The following SUGCT variants were observed in gnomAD, a reference collection of about 807,000 sequenced individuals.
SUGCT encodes the protein succinyl-CoA:glutarate-CoA transferase, also known as succinyl-CoA:glutarate CoA-transferase.
Under a neutral mutation model 55.0 loss-of-function variants are expected in SUGCT, and 41 were observed. The ratio of observed to expected loss-of-function variants is 0.74; its 90% confidence interval spans 0.58 to 0.97. The LOEUF is 0.97. Ranked by LOEUF, SUGCT falls within the 50% of genes least tolerant of loss-of-function variation. The pLI is 0.00. For missense variants in SUGCT, 568 were observed against 547.8 expected (o/e 1.04, Z -0.37); for synonymous variants, 187 against 200.4 (o/e 0.93, Z 0.56).
chr7:40,942,744 A>AT, the SUGCT span, among the ~76,000 whole-genome samples: 1 of 148,766 alleles, frequency 6.7e-6, no homozygotes, highest in African/African-American at 2.5e-5. Context: ...TCTTGGAGAC[A>AT]TTGTTTCTTT....
intron 6 of SUGCT, among the ~76,000 whole-genome samples, chr7:40,219,528 T>C (rs566898594): frequency 4.6e-5 from 7 of 152,262 alleles, no homozygotes; most frequent in South Asian, 4.1e-4. Flanking sequence ...AGTGTTGTAA[T>C]TGGATGTCAT....
At chr7:40,545,115 G>T (rs1794921458) in intron 12 of SUGCT, among the ~76,000 whole-genome samples, 1 of 152,098 alleles carries the variant, frequency 6.6e-6, no homozygotes, top group Non-Finnish European at 1.5e-5. Context: ...GACTTAGATG[G>T]TTTGTTTTAT....
chr7:40,757,703 C>T (rs930885275), intron 13 of SUGCT, among the ~76,000 whole-genome samples: 1 of 151,886 alleles, frequency 6.6e-6, no homozygotes, highest in Non-Finnish European at 1.5e-5. Flanking sequence ...TTAAATAATC[C>T]GAGTGGACCA....
chr7:40,234,735 C>G (rs1279718586), intron 6 of SUGCT, among the ~76,000 whole-genome samples: 1 of 151,886 alleles, frequency 6.6e-6, no homozygotes. Context: ...ATAGTGAAAT[C>G]CCATCCCTAC....
intron 6 of SUGCT, among the ~76,000 whole-genome samples, chr7:40,232,551 GA>G (rs1342473571): frequency 5.9e-5 from 9 of 152,292 alleles, no homozygotes; most frequent in Admixed American, 1.3e-4. Context: ...GGGAGAGAGG[GA>G]AAACACAAAG....
At chr7:40,899,658 T>G in the SUGCT span, among the ~76,000 whole-genome samples, 1 of 150,666 alleles carries the variant, frequency 6.6e-6, no homozygotes, top group Non-Finnish European at 1.5e-5. Flanking sequence ...CTTTCCTACT[T>G]TTTTTTTTGC....
chr7:40,242,924 TATATATATA>T (rs201230743), intron 7 of SUGCT, among the ~76,000 whole-genome samples: 6 of 31,750 alleles, frequency 1.9e-4, no homozygotes, highest in African/African-American at 4.6e-4. Context: ...TATATATATA[TATATATATA>T]TTTTTTTTTT....
At chr7:40,284,478 G>A (rs1399885091) in intron 8 of SUGCT, among the ~76,000 whole-genome samples, 1 of 151,580 alleles carries the variant, frequency 6.6e-6, no homozygotes, top group Non-Finnish European at 1.5e-5. Context: ...TGTGGTGGCG[G>A]GCACCTGTAA....
intron 12 of SUGCT, among the ~76,000 whole-genome samples, chr7:40,602,420 G>A (rs1445369154): frequency 6.6e-6 from 1 of 152,170 alleles, no homozygotes; most frequent in Non-Finnish European, 1.5e-5. Flanking sequence ...GTATTTATTG[G>A]GTAGAAAGAG....
intron 13 of SUGCT, among the ~76,000 whole-genome samples, chr7:40,806,083 T>C (rs1791074364): frequency 6.6e-6 from 1 of 152,324 alleles, no homozygotes; most frequent in South Asian, 2.1e-4. Context: ...TTTGATGAGT[T>C]ACTCTGTTTG....
intron 7 of SUGCT, among the ~76,000 whole-genome samples, chr7:40,243,516 T>C (rs1193538014): frequency 1.3e-5 from 2 of 152,074 alleles, no homozygotes; most frequent in African/African-American, 4.8e-5. Context: ...TTAATTTTCT[T>C]CTTGAGGATT....
At chr7:40,853,903 A>G (rs560948635) in intron 13 of SUGCT, among the ~76,000 whole-genome samples, 12 of 152,288 alleles carry the variant, frequency 7.9e-5, no homozygotes, top group African/African-American at 2.6e-4. Flanking sequence ...GACCATGAAA[A>G]GCATTGAAGG....
chr7:40,755,587 C>A (rs984850529), intron 13 of SUGCT, among the ~76,000 whole-genome samples: 7 of 152,222 alleles, frequency 4.6e-5, no homozygotes, highest in African/African-American at 1.4e-4. Flanking sequence ...CAGAGTGGAG[C>A]ATGCTGTCCT....
rs1050536681 is a variant in SUGCT, at chr7:40,164,125, C to CT, written c.101-16806dup. 5.7e-3 allele frequency among the ~76,000 whole-genome samples: 837 copies of CT among 146,304 alleles called. 6 individuals are homozygous for CT. The highest frequency in any genetic ancestry group is 0.02 in the East Asian group (98 of 4,924). On this transcript the variant is annotated intron_variant, in intron 1 of 13. Transcript: ENST00000335693. ...GTGAGCCACCATGCCTGACCCTTGA[C>CT]TTTTTTTTTTTTTTTTGAGACGGAG...
chr7:40,804,801 T>C (rs996477355), intron 13 of SUGCT, among the ~76,000 whole-genome samples: 5 of 152,188 alleles, frequency 3.3e-5, no homozygotes, highest in African/African-American at 9.7e-5. Flanking sequence ...GTTTCTACTA[T>C]CTTGAGTGCA....
chr7:40,933,619 G>A, the SUGCT span, among the ~76,000 whole-genome samples: 5 of 152,074 alleles, frequency 3.3e-5, no homozygotes, highest in Admixed American at 1.3e-4. Context: ...TTTCTTGGAG[G>A]CTTTGTTCAT....
the SUGCT span, among the ~76,000 whole-genome samples, chr7:40,992,220 C>A: frequency 1.3e-5 from 2 of 152,230 alleles, no homozygotes; most frequent in South Asian, 4.2e-4. Flanking sequence ...GCTTTTTAGA[C>A]CATATAGGTT....
chr7:40,559,621 T>C (rs1451419962), intron 12 of SUGCT, among the ~76,000 whole-genome samples: 3 of 152,260 alleles, frequency 2.0e-5, no homozygotes, highest in Non-Finnish European at 4.4e-5. Context: ...TTGACTAATC[T>C]CTGTAACATT....
At chr7:40,284,862 G>C (rs201834314) in intron 8 of SUGCT, among the ~76,000 whole-genome samples, 1 of 152,150 alleles carries the variant, frequency 6.6e-6, no homozygotes, top group African/African-American at 2.4e-5. Context: ...TATTGGTTAG[G>C]TTAAATGCAA....
Sources: allele counts gnomAD v4.1 joint callset (sites outside exome capture counted in the v4.1 genomes callset), GRCh38; gene constraint gnomAD v4.1.1; transcripts MANE v1.5; gene names NCBI Gene and HGNC (gene_info 2026-07-23, HGNC 2026-07-21).